Variants in PPP1R1C observed in about 807,000 individuals in gnomAD.
PPP1R1C encodes the protein protein phosphatase 1 regulatory subunit 1C.
A neutral mutation model predicts 17.4 loss-of-function variants in PPP1R1C; 15 were observed. That is an observed-to-expected ratio of 0.86 (90% confidence interval 0.58 to 1.33). PPP1R1C has a LOEUF of 1.33. PPP1R1C is among the 40% of genes most tolerant of loss of function. PPP1R1C has a pLI of 0.00. For synonymous variants in PPP1R1C, 35 were observed against 43.1 expected, an observed-to-expected ratio of 0.81 and a Z score of 0.73; for missense variants, 143 against 130.0, an observed-to-expected ratio of 1.10 and a Z score of -0.48.
chr2:182,127,314 G>T (rs951447187), intron 5 of PPP1R1C, among the ~76,000 whole-genome samples: 18 of 151,980 alleles, frequency 1.2e-4, no homozygotes, highest in African/African-American at 4.1e-4. Flanking sequence ...TTTACAGGTA[G>T]AAAAAGTGAG....
chr2:182,060,747 A>G (rs908263449), intron 2 of PPP1R1C, among the ~76,000 whole-genome samples: 1 of 152,122 alleles, frequency 6.6e-6, no homozygotes, highest in Non-Finnish European at 1.5e-5. Context: ...AAGGATCAGG[A>G]AAGAGGAACT....
intron 4 of PPP1R1C, among the ~76,000 whole-genome samples, chr2:182,081,408 C>A (rs1436552942): frequency 6.6e-6 from 1 of 151,968 alleles, no homozygotes; most frequent in Non-Finnish European, 1.5e-5. Flanking sequence ...AGAGAAGATT[C>A]AATACATTGC....
In PPP1R1C at chr2:182,103,093, G is replaced by A. The variant is rs147021261; in HGVS notation, c.242-14114G>A. Among the ~76,000 whole-genome samples, 762 of 152,226 alleles carry A rather than the reference G, an allele frequency of 5.0e-3. 4 individuals carry two copies. Among genetic ancestry groups the A allele is most frequent in the African/African-American group, 0.017 (708 of 41,540 alleles). ...TACTGGGATTACAGGTGTGAGCCCC[G>A]CTTCCGGCCAAGCCGTGATCTTAAA... On this transcript the variant is annotated intron_variant, in intron 4 of 4. Transcript: ENST00000682840.
At chr2:182,069,534 A>G (rs1366409451) in intron 4 of PPP1R1C, among the ~76,000 whole-genome samples, 2 of 152,054 alleles carry the variant, frequency 1.3e-5, no homozygotes, top group African/African-American at 2.4e-5. Flanking sequence ...TTCATCTTTT[A>G]TGACATTGTC....
chr2:182,051,098 G>T (rs1187936763), intron 2 of PPP1R1C, among the ~76,000 whole-genome samples: 1 of 152,216 alleles, frequency 6.6e-6, no homozygotes, highest in Non-Finnish European at 1.5e-5. Flanking sequence ...GAAATTGATG[G>T]AGAAAGGTGC....
At chr2:181,977,370 G>T (rs1431173573) in intron 2 of PPP1R1C, among the ~76,000 whole-genome samples, 1 of 151,796 alleles carries the variant, frequency 6.6e-6, no homozygotes, top group Non-Finnish European at 1.5e-5. Context: ...TTACTCCTCT[G>T]ATTGTATTTT....
At chr2:182,119,054 C>T (rs892103225), downstream of PPP1R1C, among the ~76,000 whole-genome samples, 1 of 151,998 alleles carries the variant, frequency 6.6e-6, no homozygotes, top group Non-Finnish European at 1.5e-5. Flanking sequence ...TCCCTCCCCC[C>T]ACCACCCACC....
intron 4 of PPP1R1C, among the ~76,000 whole-genome samples, chr2:182,108,560 C>T (rs960902947): frequency 2.0e-5 from 3 of 152,178 alleles, no homozygotes; most frequent in Non-Finnish European, 2.9e-5. Context: ...GAATTTCAGA[C>T]ACATAATAAC....
At chr2:182,006,861 CCTT>C (rs1306533081) in intron 2 of PPP1R1C, among the ~76,000 whole-genome samples, 1 of 152,098 alleles carries the variant, frequency 6.6e-6, no homozygotes, top group Admixed American at 6.5e-5. Flanking sequence ...GGTTAATCTG[CCTT>C]CTTATTGCTT....
At chr2:182,105,998 G>A (rs532203992) in intron 4 of PPP1R1C, among the ~76,000 whole-genome samples, 30 of 152,296 alleles carry the variant, frequency 2.0e-4, no homozygotes, top group African/African-American at 7.0e-4. Flanking sequence ...AGGAAAATCT[G>A]TGTCATGCCT....
intron 4 of PPP1R1C, among the ~76,000 whole-genome samples, chr2:182,077,572 A>C (rs1179955176): frequency 6.6e-6 from 1 of 152,184 alleles, no homozygotes; most frequent in African/African-American, 2.4e-5. Flanking sequence ...ATATTTTTTC[A>C]CGTAATTATG....
intron 4 of PPP1R1C, among the ~76,000 whole-genome samples, chr2:182,083,633 T>C (rs930120664): frequency 3.3e-5 from 5 of 152,200 alleles, no homozygotes; most frequent in Admixed American, 6.5e-5. Flanking sequence ...ACAGTGTATA[T>C]ACACCACATT....
intron 5 of PPP1R1C, among the ~76,000 whole-genome samples, chr2:182,128,764 G>T (rs759359811): frequency 6.6e-6 from 1 of 151,934 alleles, no homozygotes; most frequent in Non-Finnish European, 1.5e-5. Context: ...TTTGCTTGTT[G>T]TTTGTTTTTA....
At chr2:182,121,590 C>T (rs752994113), downstream of PPP1R1C, among the ~76,000 whole-genome samples, 17 of 152,048 alleles carry the variant, frequency 1.1e-4, no homozygotes, top group Non-Finnish European at 2.2e-4. Flanking sequence ...CGGGTTCAAG[C>T]GATTCCCCTG....
intron 2 of PPP1R1C, among the ~76,000 whole-genome samples, chr2:182,041,359 A>G (rs540030407): frequency 6.6e-5 from 10 of 152,294 alleles, no homozygotes; most frequent in African/African-American, 1.9e-4. Context: ...CTGTAATCCC[A>G]GCATTTTGGG....
downstream of PPP1R1C, among the ~76,000 whole-genome samples, chr2:182,120,911 C>G (rs1689718918): frequency 6.6e-6 from 1 of 151,994 alleles, no homozygotes; most frequent in African/African-American, 2.4e-5. Context: ...ATGGTTTCTT[C>G]CATTCTGTTC....
rs766413757 is a variant in PPP1R1C at position 182,098,592 on chromosome 2, T to A, written c.242-18615T>A. ...TAATAATCTACTTCTTCGACAGATG[T>A]AATCTGTCTCCCTACATTCTTCTGG... On this transcript the variant is annotated intron_variant, in intron 4 of 4. Transcript: ENST00000682840. Among the ~76,000 whole-genome samples the A allele has an allele frequency of 9.1e-4, 139 of 152,296 alleles. 1 individual carries two copies. Among genetic ancestry groups the A allele is most frequent in the Non-Finnish European group, 8.8e-4 (60 of 68,004 alleles).
At chr2:182,109,436 G>C (rs75554729) in intron 4 of PPP1R1C, among the ~76,000 whole-genome samples, 4,688 of 152,190 alleles carry the variant, frequency 0.031, 221 homozygotes, top group Admixed American at 0.13. Context: ...GGCTACCCAG[G>C]TATTCTCCTA....
At chr2:182,091,389 G>T (rs16822545) in intron 4 of PPP1R1C, among the ~76,000 whole-genome samples, 6,591 of 152,084 alleles carry the variant, frequency 0.043, 490 homozygotes, top group African/African-American at 0.15. Context: ...AGAGATTGGG[G>T]TGTAAATCAC....
Sources: gnomAD v4.1 joint callset for allele counts (sites outside exome capture counted in the v4.1 genomes callset) on GRCh38, gnomAD v4.1.1 for gene constraint, MANE v1.5 for transcripts, NCBI Gene and HGNC (gene_info 2026-07-23, HGNC 2026-07-21) for gene names.